Variants in CRMP1 observed in about 807,000 individuals in gnomAD.
CRMP1 encodes collapsin response mediator protein 1, also known as dihydropyrimidinase-related protein 1.
A neutral mutation model predicts 68.3 loss-of-function variants in CRMP1; 19 were observed. The ratio of observed to expected loss-of-function variants is 0.28; its 90% CI spans 0.19 to 0.41. CRMP1 has a LOEUF of 0.41. Among genes scored for constraint, CRMP1 ranks in the 10% least tolerant of loss-of-function variants. The probability of loss-of-function intolerance (pLI) is 1.00; values close to 1 mark genes in which losing one functional copy is unlikely to be tolerated. For missense variants in CRMP1, 791 were observed against 967.4 expected, an observed-to-expected ratio of 0.82 and a Z score of 2.42; for synonymous variants, 439 against 399.6, an observed-to-expected ratio of 1.10 and a Z score of -1.18.
At chr4:5,831,281 G>A (rs1407054965) in intron 11 of CRMP1, among the ~76,000 whole-genome samples, 2 of 152,020 alleles carry the variant, frequency 1.3e-5, no homozygotes, top group Non-Finnish European at 2.9e-5. Context: ...ACAGGATTTT[G>A]ATTTCCATTC....
rs1350834422 is a variant in CRMP1 at position 5,821,926 on chromosome 4, C to G, written c.1970-75G>C. 11 of 1,168,316 alleles carry G rather than the reference C, an allele frequency of 9.4e-6. No individual in the cohort carries two copies. Among genetic ancestry groups the G allele is most frequent in the Non-Finnish European group, 1.3e-5 (11 of 856,804 alleles). 72.4% of individuals were successfully genotyped at this position (1,168,316 alleles called of 1,614,324 possible). ...CCACGCTGCTCCTGGAGGCCATGTA[C>G]TCTGCCATGCACTCCACTGGACCCA... On this transcript the variant is annotated intron_variant, in intron 13 of 13. Transcript: ENST00000324989. This position sits in a 1 kb window ranked among gnomAD's most constrained non-coding sequence, Gnocchi z 4.4.
At chr4:5,886,014 T>C (rs2152476306) in intron 1 of CRMP1, among the ~76,000 whole-genome samples, 1 of 152,338 alleles carries the variant, frequency 6.6e-6, no homozygotes, top group East Asian at 1.9e-4. Flanking sequence ...TGTGTGTTAT[T>C]AGCAAAAGGT....
chr4:5,836,514 GAAACA>G (rs777353109), intron 10 of CRMP1, among the ~76,000 whole-genome samples: 24 of 152,172 alleles, frequency 1.6e-4, no homozygotes, highest in Admixed American at 8.5e-4. Flanking sequence ...ACGTGGTTGA[GAAACA>G]AAACAAAACA....
intron 1 of CRMP1, among the ~76,000 whole-genome samples, chr4:5,876,078 G>A (rs1020355122): frequency 1.3e-5 from 2 of 151,926 alleles, no homozygotes; most frequent in African/African-American, 2.4e-5. Context: ...GCATGAGCCC[G>A]GGAGGCAAAG....
Position 5,825,784 on chromosome 4 carries a change from ACACAC to A in CRMP1, c.1804-130_1804-126del, listed in dbSNP as rs1262524895. 2 of 866,096 alleles carry A rather than the reference ACACAC, an allele frequency of 2.3e-6. No homozygotes were observed. The highest frequency in any genetic ancestry group is 3.6e-6 in the Non-Finnish European group (2 of 557,096). 53.7% of individuals were successfully genotyped at this position (866,096 alleles called of 1,614,324 possible). A position where few individuals can be genotyped will look rare whatever the true frequency, so the allele number is the denominator to read the frequency against. The stretch of plus-strand genomic sequence containing the variant: ...TCACTTCAAATGTGCATGCACACAC[ACACAC>A]AACACGCACACACGACAGGTGCACT... On this transcript the variant is annotated intron_variant, in intron 12 of 13. Coordinates refer to ENST00000324989, the MANE Select transcript of CRMP1 (RefSeq NM_001014809.3). This position sits in a 1 kb window ranked among gnomAD's most constrained non-coding sequence, Gnocchi z 4.4.
At chr4:5,833,031 G>A (rs371447586) in intron 11 of CRMP1, among the ~76,000 whole-genome samples, 1 of 152,148 alleles carries the variant, frequency 6.6e-6, no homozygotes, top group Non-Finnish European at 1.5e-5. Context: ...TGCCTTACCC[G>A]CCATGGAAGC....
Position 5,879,425 on chromosome 4 carries a change from A to G in CRMP1, c.382-12669T>C, listed in dbSNP as rs892558458. Among the ~76,000 whole-genome samples the G allele has an allele frequency of 6.6e-6, 1 of 152,182 alleles. No individual in the cohort carries two copies. The highest frequency in any genetic ancestry group is 1.9e-4 in the East Asian group (1 of 5,194). ...GTTCATGACACTCATTTTCCAGCTC[A>G]TTGTAATATATCTTATTTCCCCCAT... On this transcript the variant is annotated intron_variant, in intron 1 of 13. Transcript: ENST00000324989. This position sits in a 1 kb window ranked among gnomAD's most constrained non-coding sequence, Gnocchi z 4.2.
intron 11 of CRMP1, among the ~76,000 whole-genome samples, chr4:5,833,076 G>A (rs1442733251): frequency 6.6e-6 from 1 of 152,120 alleles, no homozygotes. Flanking sequence ...CTAGAAGAGT[G>A]GCCTGGAAGG....
In CRMP1 at chr4:5,866,736, T is replaced by C; in HGVS notation, c.402A>G (p.Lys134=). The part of the protein sequence containing the change: ...DNGQSDRLLI[K]GGRIINDDQS... Reference sequence around the variant, plus strand: ...GGTCATCGTTGATGATCCGTCCACCTTTGATGAGGAGTCGGTCACTCTGCA... The same window carrying C: ...GGTCATCGTTGATGATCCGTCCACCCTTGATGAGGAGTCGGTCACTCTGCA... The change falls in exon 2 of 14, where the codon AAA becomes AAG. Residue 134 remains lysine, a synonymous_variant. Coordinates refer to ENST00000324989, the MANE Select transcript of CRMP1 (RefSeq NM_001014809.3). This position sits in a 1 kb window ranked among gnomAD's most constrained non-coding sequence, Gnocchi z 5.9. 1 of 1,612,364 alleles carries C rather than the reference T, an allele frequency of 6.2e-7. No homozygotes were observed. The highest frequency in any genetic ancestry group is 8.5e-7 in the Non-Finnish European group (1 of 1,179,410).
Position 5,841,202 on chromosome 4 carries a change from C to A in CRMP1, c.1153+106G>T. On this transcript the variant is annotated intron_variant, in intron 8 of 13. Coordinates refer to ENST00000324989, the MANE Select transcript of CRMP1 (RefSeq NM_001014809.3). The surrounding 1 kb of genome is among the most constrained non-coding windows in gnomAD (Gnocchi z 6.9). ...AGGAGCATCCCCGCTCCACCCCTCC[C>A]TCCTCCGGCTGCCTGTCTGAGTTCG... is the stretch of plus-strand genomic sequence containing the variant. The A allele has an allele frequency of 1.3e-6, 2 of 1,574,740 alleles. No homozygotes were observed. The highest frequency in any genetic ancestry group is 1.3e-5 in the African/African-American group (1 of 74,350).
chr4:5,871,582 C>G (rs1246400355), intron 1 of CRMP1, among the ~76,000 whole-genome samples: 1 of 152,016 alleles, frequency 6.6e-6, no homozygotes, highest in Non-Finnish European at 1.5e-5. Context: ...ATGGCATGAA[C>G]AAGGGAGAAG....
intron 1 of CRMP1, among the ~76,000 whole-genome samples, chr4:5,871,390 G>A (rs1274076594): frequency 2.0e-5 from 3 of 152,204 alleles, no homozygotes; most frequent in South Asian, 4.1e-4. Context: ...GCTGGGTGCG[G>A]TGGCTCACAC....
Position 5,887,884 on chromosome 4 carries a change from G to A in CRMP1, c.381+4705C>T, listed in dbSNP as rs552936036. On this transcript the variant is annotated intron_variant, in intron 1 of 13. Transcript: ENST00000324989. ...TCCCACCCCCGCGCGAGGCCTGCGG[G>A]GAGGGGGTTCGGACCCCTGCCCCTC... The A allele has an allele frequency of 4.5e-5, 39 of 873,706 alleles. No homozygotes were observed. The African/African-American group carries it at 5.7e-4, about 13-fold the overall frequency. 54.1% of individuals were successfully genotyped at this position (873,706 alleles called of 1,614,324 possible).
chr4:5,837,877 A>T (rs1269718538), intron 9 of CRMP1, among the ~76,000 whole-genome samples: 6 of 152,080 alleles, frequency 3.9e-5, no homozygotes, highest in Admixed American at 3.9e-4. Context: ...TGTGCCCGGT[A>T]CAATTTAAGG....
At position 5,854,734 on chromosome 4, in the gene CRMP1, A is replaced by G. The variant is rs1712924677; in HGVS notation, c.820+1409T>C. 6.6e-6 allele frequency among the ~76,000 whole-genome samples: 1 copy of G among 152,200 alleles called. No individual in the cohort carries two copies. Among genetic ancestry groups the G allele is most frequent in the Non-Finnish European group, 1.5e-5 (1 of 68,026 alleles). Reference sequence around the variant, plus strand: ...ATCGAATCGGCAAGGATTTCATAGAAGCAATAATGCCCAATGGTGCAAAGG... The same window carrying G: ...ATCGAATCGGCAAGGATTTCATAGAGGCAATAATGCCCAATGGTGCAAAGG... On this transcript the variant is annotated intron_variant, in intron 4 of 13. Coordinates refer to ENST00000324989, the MANE Select transcript of CRMP1 (RefSeq NM_001014809.3). The surrounding 1 kb of genome is among the most constrained non-coding windows in gnomAD (Gnocchi z 4.0).
rs1716009395 is a variant in CRMP1, at chr4:5,892,714, T to C, written c.256A>G (p.Ser86Gly). The C allele has an allele frequency of 8.1e-7, 1 of 1,228,772 alleles. No homozygotes were observed. The allele number at this position is 1,228,772 out of a possible 1,614,324, so 76.1% of individuals were successfully genotyped here. ...GAGCCCGAGGGCTCGCTCACGTCGC[T>C]GGCCGTGTCCTCGCTGCCTCCCGGC... is the stretch of plus-strand genomic sequence containing the variant. ...PGPGGSEDTASDVSEPSGSAV... is the reference protein window; with the variant it reads ...PGPGGSEDTAGDVSEPSGSAV... Residue 86 changes from serine to glycine, a missense_variant, in exon 1 of 14, where the codon AGC becomes GGC. By Grantham distance (56) the Ser-to-Gly change is moderately conservative. Coordinates refer to ENST00000324989, the MANE Select transcript of CRMP1 (RefSeq NM_001014809.3). This position sits in a 1 kb window ranked among gnomAD's most constrained non-coding sequence, Gnocchi z 8.6.
At chr4:5,887,613 A>G (rs28475438) in intron 1 of CRMP1, 640,921 of 985,242 alleles carry the variant, frequency 0.65, 209,845 homozygotes, top group East Asian at 0.79. Context: ...AGCGTCGGGA[A>G]CATTAACCCT....
intron 1 of CRMP1, among the ~76,000 whole-genome samples, chr4:5,875,257 G>A (rs1714727048): frequency 6.6e-6 from 1 of 152,254 alleles, no homozygotes; most frequent in East Asian, 1.9e-4. Flanking sequence ...TGAATGTTCT[G>A]CATCACTGTC....
At position 5,853,915 on chromosome 4, in the gene CRMP1, C is replaced by T. The variant is rs1577794423; in HGVS notation, c.820+2228G>A. Among the ~76,000 whole-genome samples, 1 of 152,238 alleles carries T rather than the reference C, an allele frequency of 6.6e-6. No homozygotes were observed. Among genetic ancestry groups the T allele is most frequent in the East Asian group, 1.9e-4 (1 of 5,186 alleles). On this transcript the variant is annotated intron_variant, in intron 4 of 13. Transcript: ENST00000324989. The surrounding 1 kb of genome is among the most constrained non-coding windows in gnomAD (Gnocchi z 4.7). ...AGAAGCATACAAAGTTGAAAGGTTG[C>T]TGCCAGGACCTGAGCACCATCGCCA...
Sources: gnomAD v4.1 joint callset for allele counts (sites outside exome capture counted in the v4.1 genomes callset) on GRCh38, gnomAD v4.1.1 for gene constraint, Gnocchi (gnomAD v3.1) non-coding constraint, MANE v1.5 for transcripts, NCBI Gene and HGNC (gene_info 2026-07-23, HGNC 2026-07-21) for gene names.